Variants in CHMP3 observed in about 807,000 individuals in gnomAD.
The protein encoded by CHMP3 is 25.1 protein.
In CHMP3, 8 loss-of-function variants were observed where a neutral mutation model predicts 27.4. The observed-to-expected ratio is 0.29, with a 90% CI of 0.17 to 0.53. The LOEUF is 0.53. Among genes scored for constraint, CHMP3 ranks in the 20% least tolerant of loss-of-function variants. The pLI is 0.96. For synonymous variants in CHMP3, 86 were observed against 85.5 expected (o/e 1.01, Z -0.03); for missense variants, 208 against 271.5 (o/e 0.77, Z 1.64).
At position 86,505,657 on chromosome 2, in the gene CHMP3, G is replaced by A. The variant is rs932438960; in HGVS notation, c.*147C>T. On this transcript the variant is annotated 3_prime_UTR_variant, in exon 6 of 6. Coordinates refer to ENST00000263856, the MANE Select transcript of CHMP3 (RefSeq NM_016079.4). ...ACTTTTATAAGAACAATCCCTTTGC[G>A]ATCCCAAAACCTGGGCAGAGAATGA... 7.9e-6 allele frequency: 9 copies of A among 1,137,990 alleles called. No homozygotes were observed. In the South Asian group the frequency reaches 8.9e-5, roughly 11 times the overall value. The allele number at this position is 1,137,990 out of a possible 1,614,324, so 70.5% of individuals were successfully genotyped here.
intron 2 of CHMP3, among the ~76,000 whole-genome samples, chr2:86,538,381 T>C (rs13390713): frequency 0.39 from 59,365 of 152,048 alleles, 13,571 homozygotes; most frequent in East Asian, 0.75. Context: ...ATGCACCTAA[T>C]GCCACTGAAC....
chr2:86,556,003 G>T (rs1300362292), intron 1 of CHMP3, among the ~76,000 whole-genome samples: 5 of 152,192 alleles, frequency 3.3e-5, no homozygotes, highest in South Asian at 2.1e-4. Context: ...AAATATTAAA[G>T]ATTTTTTTAC....
At chr2:86,510,064 C>T (rs781470146) in intron 4 of CHMP3, among the ~76,000 whole-genome samples, 1 of 152,142 alleles carries the variant, frequency 6.6e-6, no homozygotes, top group Admixed American at 6.6e-5. Context: ...CTATGTTGGA[C>T]CCTGCAAACT....
intron 1 of CHMP3, chr2:86,561,572 C>T (rs1157508686): frequency 6.6e-6 from 1 of 152,138 alleles, no homozygotes; most frequent in Non-Finnish European, 1.5e-5. Flanking sequence ...CTCTACAATA[C>T]CCAGACTTGT....
intron 1 of CHMP3, among the ~76,000 whole-genome samples, chr2:86,553,874 T>C (rs1677008481): frequency 6.6e-6 from 1 of 152,218 alleles, no homozygotes; most frequent in South Asian, 2.1e-4. Flanking sequence ...CTGAAAAATA[T>C]ATATCAAATA....
intron 3 of CHMP3, among the ~76,000 whole-genome samples, chr2:86,527,523 T>A (rs898211896): frequency 1.3e-5 from 2 of 152,202 alleles, no homozygotes; most frequent in African/African-American, 4.8e-5. Flanking sequence ...AAGACAATAA[T>A]ACTTGAGCTT....
At chr2:86,538,733 G>A (rs183865225) in intron 2 of CHMP3, among the ~76,000 whole-genome samples, 73 of 152,268 alleles carry the variant, frequency 4.8e-4, no homozygotes, top group African/African-American at 1.5e-3. Context: ...CCTATAATGA[G>A]TGTTCAAAAT....
chr2:86,542,663 G>T, intron 1 of CHMP3: 1 of 180,428 alleles, frequency 5.5e-6, no homozygotes, highest in Non-Finnish European at 1.2e-5. Context: ...ATCTTTCACA[G>T]GTAGTCATTT....
At chr2:86,558,283 T>G (rs2104058670) in intron 1 of CHMP3, among the ~76,000 whole-genome samples, 1 of 152,338 alleles carries the variant, frequency 6.6e-6, no homozygotes, top group East Asian at 1.9e-4. Context: ...CAGTCTGGTC[T>G]TTACTTGCAT....
chr2:86,534,044 T>C (rs954808675), intron 2 of CHMP3, among the ~76,000 whole-genome samples: 8 of 152,180 alleles, frequency 5.3e-5, no homozygotes, highest in African/African-American at 1.7e-4. Context: ...TCAGAGAAGA[T>C]ACCTTATATA....
At chr2:86,542,961 GT>G (rs1558656691) in intron 1 of CHMP3, 1 of 152,192 alleles carries the variant, frequency 6.6e-6, no homozygotes, top group Non-Finnish European at 1.5e-5. Context: ...GAAAACCTGA[GT>G]TATGAGTCAA....
At chr2:86,550,277 G>A (rs549355046) in intron 1 of CHMP3, among the ~76,000 whole-genome samples, 5 of 152,342 alleles carry the variant, frequency 3.3e-5, no homozygotes, top group Non-Finnish European at 5.9e-5. Context: ...TTGGCAGGCC[G>A]AGGTAGGAGA....
intron 3 of CHMP3, among the ~76,000 whole-genome samples, chr2:86,525,223 T>G (rs1433522331): frequency 6.6e-6 from 1 of 152,192 alleles, no homozygotes; most frequent in African/African-American, 2.4e-5. Context: ...GGGTAAAAAT[T>G]CCCAATGCCT....
At chr2:86,548,665 C>T (rs1449373273) in intron 1 of CHMP3, among the ~76,000 whole-genome samples, 6 of 152,208 alleles carry the variant, frequency 3.9e-5, no homozygotes, top group African/African-American at 1.2e-4. Context: ...ACAAAACCGC[C>T]ATCGTCATCA....
At chr2:86,517,711 CA>C (rs749335988) in intron 3 of CHMP3, among the ~76,000 whole-genome samples, 30 of 151,826 alleles carry the variant, frequency 2.0e-4, no homozygotes, top group Non-Finnish European at 3.8e-4. Context: ...ATGGGAATTA[CA>C]GTTAAATTTT....
At chr2:86,528,844 C>G (rs1304638438) in intron 3 of CHMP3, among the ~76,000 whole-genome samples, 1 of 152,138 alleles carries the variant, frequency 6.6e-6, no homozygotes, top group East Asian at 1.9e-4. Flanking sequence ...GCCCCACAGC[C>G]TGTTGTAACA....
At chr2:86,510,787 A>C (rs1675075283) in intron 3 of CHMP3, 1 of 271,628 alleles carries the variant, frequency 3.7e-6, no homozygotes, top group Non-Finnish European at 7.1e-6. Flanking sequence ...ACACCCAGGA[A>C]AATCACAAAT....
At chr2:86,534,018 T>C (rs1676026221) in intron 2 of CHMP3, among the ~76,000 whole-genome samples, 1 of 152,140 alleles carries the variant, frequency 6.6e-6, no homozygotes, top group Admixed American at 6.6e-5. Context: ...TGATTTCTAA[T>C]TTCATCCTGT....
At chr2:86,551,805 G>T (rs1676917435) in intron 1 of CHMP3, among the ~76,000 whole-genome samples, 1 of 152,084 alleles carries the variant, frequency 6.6e-6, no homozygotes, top group African/African-American at 2.4e-5. Flanking sequence ...GTTATTTTTG[G>T]CAAAGGGTTG....
Sources: allele counts gnomAD v4.1 joint callset (sites outside exome capture counted in the v4.1 genomes callset), GRCh38; gene constraint gnomAD v4.1.1; transcripts MANE v1.5; gene names NCBI Gene and HGNC (gene_info 2026-07-23, HGNC 2026-07-21).